The following LRBA variants were observed in gnomAD, a reference collection of about 807,000 sequenced individuals.
LRBA encodes LPS responsive beige-like anchor protein, also known as lipopolysaccharide-responsive and beige-like anchor protein.
Under a neutral mutation model 330.0 loss-of-function variants are expected in LRBA, and 176 were observed. The ratio of observed to expected loss-of-function variants is 0.53; its 90% CI spans 0.47 to 0.60. The LOEUF (loss-of-function observed/expected upper bound fraction) is 0.60. Among genes scored for constraint, LRBA ranks in the 20% least tolerant of loss-of-function variants. LRBA has a pLI of 0.00. For missense variants in LRBA, 3,259 were observed against 3,444.8 expected (o/e 0.95, Z 1.35); for synonymous variants, 1,230 against 1,193.0 (o/e 1.03, Z -0.64).
intron 35 of LRBA, among the ~76,000 whole-genome samples, chr4:150,757,224 A>G (rs916424766): frequency 6.6e-6 from 1 of 152,206 alleles, no homozygotes; most frequent in African/African-American, 2.4e-5. Context: ...ATTTAAAAAT[A>G]TCTTATTAAA....
At chr4:150,638,092 A>C (rs929550677) in intron 37 of LRBA, among the ~76,000 whole-genome samples, 1 of 148,230 alleles carries the variant, frequency 6.7e-6, no homozygotes, top group South Asian at 2.1e-4. Context: ...CAATTTCTTT[A>C]ATTATTTTTT....
chr4:150,755,190 A>G (rs920854041), intron 35 of LRBA, among the ~76,000 whole-genome samples: 1 of 152,244 alleles, frequency 6.6e-6, no homozygotes, highest in Non-Finnish European at 1.5e-5. Flanking sequence ...ATGCTCAGAA[A>G]GAAGACATGC....
intron 51 of LRBA, among the ~76,000 whole-genome samples, chr4:150,311,579 GCA>G (rs1255552675): frequency 2.0e-5 from 3 of 152,186 alleles, no homozygotes; most frequent in Admixed American, 2.0e-4. Flanking sequence ...TGCCCTCATG[GCA>G]CACACAACAC....
chr4:150,582,760 G>C, intron 40 of LRBA: 2 of 407,302 alleles, frequency 4.9e-6, no homozygotes, highest in Non-Finnish European at 8.7e-6. Flanking sequence ...AAGCAAAAAG[G>C]TTCCAAGAGG....
rs1441404116 is a variant in LRBA at position 150,639,815 on chromosome 4, GTGTGTATATATATATATATATATA to G, written c.5922-40708_5922-40685del. Among the ~76,000 whole-genome samples, 9 of 4,892 alleles carry G rather than the reference GTGTGTATATATATATATATATATA, an allele frequency of 1.8e-3. 1 individual carries two copies. Among genetic ancestry groups the G allele is most frequent in the African/African-American group, 3.3e-3 (8 of 2,398 alleles). 3.2% of individuals were successfully genotyped at this position (4,892 alleles called of 152,430 possible). A position where few individuals can be genotyped will look rare whatever the true frequency, so the allele number is the denominator to read the frequency against. On this transcript the variant is annotated intron_variant, in intron 37 of 56. Coordinates refer to ENST00000651943, the MANE Select transcript of LRBA (RefSeq NM_001364905.1). ...TGTATATATATATATATGTGTGTGT[GTGTGTATATATATATATATATATA>G]TATATATATATATATATATATATAT... is the stretch of plus-strand genomic sequence containing the variant.
At chr4:150,624,955 A>T (rs1776702771) in intron 37 of LRBA, among the ~76,000 whole-genome samples, 1 of 152,212 alleles carries the variant, frequency 6.6e-6, no homozygotes, top group South Asian at 2.1e-4. Context: ...AGAAACACTC[A>T]TTTTATATTG....
chr4:150,498,234 A>G (rs1759816210), intron 40 of LRBA, among the ~76,000 whole-genome samples: 1 of 152,148 alleles, frequency 6.6e-6, no homozygotes, highest in South Asian at 2.1e-4. Context: ...GAGTTGATGC[A>G]CCTTTAAGCC....
chr4:150,896,046 T>A (rs1184505268), intron 16 of LRBA, among the ~76,000 whole-genome samples: 1 of 152,242 alleles, frequency 6.6e-6, no homozygotes, highest in Non-Finnish European at 1.5e-5. Flanking sequence ...GATTGTGTTA[T>A]GAATTTTTAA....
intron 5 of LRBA, among the ~76,000 whole-genome samples, chr4:150,919,075 A>G (rs1236860350): frequency 6.6e-6 from 1 of 152,218 alleles, no homozygotes; most frequent in Non-Finnish European, 1.5e-5. Context: ...CAGCCATAAA[A>G]AGGAATGAAG....
chr4:150,943,383 G>A (rs1409510144), intron 2 of LRBA, among the ~76,000 whole-genome samples: 1 of 152,070 alleles, frequency 6.6e-6, no homozygotes, highest in Non-Finnish European at 1.5e-5. Context: ...AGCCTCCCAG[G>A]TTTCTGTTTG....
At chr4:150,569,420 C>G (rs1014064648) in intron 40 of LRBA, among the ~76,000 whole-genome samples, 5 of 152,068 alleles carry the variant, frequency 3.3e-5, no homozygotes, top group Admixed American at 2.6e-4. Flanking sequence ...CAAACAAAAG[C>G]TGTGTTAATA....
chr4:150,934,669 C>T (rs1734885945), intron 2 of LRBA, among the ~76,000 whole-genome samples: 2 of 151,978 alleles, frequency 1.3e-5, no homozygotes, highest in South Asian at 4.2e-4. Context: ...GTCAGTAGTT[C>T]CGAGACCAGT....
At chr4:150,976,800 G>A (rs769375854) in intron 2 of LRBA, among the ~76,000 whole-genome samples, 10 of 152,140 alleles carry the variant, frequency 6.6e-5, no homozygotes, top group African/African-American at 9.7e-5. Flanking sequence ...GCACCTACGC[G>A]CCTGGGAGTG....
At chr4:150,497,586 T>C (rs1244005368) in intron 40 of LRBA, among the ~76,000 whole-genome samples, 3 of 152,196 alleles carry the variant, frequency 2.0e-5, no homozygotes, top group Admixed American at 6.5e-5. Flanking sequence ...TGATGTAGTA[T>C]AGTATTCATA....
At chr4:150,450,754 G>T (rs1011583624) in intron 44 of LRBA, among the ~76,000 whole-genome samples, 1 of 152,136 alleles carries the variant, frequency 6.6e-6, no homozygotes, top group Non-Finnish European at 1.5e-5. Context: ...CAGAACTTTG[G>T]TGAGGTGGGG....
chr4:150,534,538 C>T lies in LRBA; in HGVS notation c.6331-43503G>A, dbSNP rs556953260. ...CCTGTCATAGTTACATTATGTTCTC[C>T]ACAAATAATCCTTCTTTTCTGTAAA... On this transcript the variant is annotated intron_variant, in intron 40 of 56. Transcript: ENST00000651943. Among the ~76,000 whole-genome samples, 35 of 151,856 alleles carry T rather than the reference C, an allele frequency of 2.3e-4. No individual in the cohort carries two copies. In the South Asian group the frequency reaches 3.9e-3, roughly 17 times the overall value.
rs749666487 is a variant in LRBA, at chr4:150,471,653, T to G, written c.6638A>C (p.Glu2213Ala). The G allele has an allele frequency of 6.2e-7, 1 of 1,605,874 alleles. No individual in the cohort carries two copies. Among genetic ancestry groups the G allele is most frequent in the South Asian group, 1.1e-5 (1 of 89,338 alleles). The change falls in exon 43 of 57, where the codon GAG becomes GCG. Residue 2213 changes from glutamate to alanine, a missense_variant. Glu to Ala is a moderately radical substitution (Grantham distance 107, BLOSUM62 -1). Transcript: ENST00000651943. ...TATCGTGTTGAGAAACATCAAGTAC[T>G]CAAAATTAGATATCTCTCTGTGTTG... ...RWQHREISNFEYLMFLNTIAG... is the reference protein window; with the variant it reads ...RWQHREISNFAYLMFLNTIAG...
At chr4:150,999,933 T>C (rs1743145064) in intron 2 of LRBA, among the ~76,000 whole-genome samples, 1 of 152,196 alleles carries the variant, frequency 6.6e-6, no homozygotes, top group African/African-American at 2.4e-5. Context: ...AGACCCCTAG[T>C]GGATACCTAA....
At chr4:150,916,068 CCTAT>C (rs1301241953) in intron 7 of LRBA, among the ~76,000 whole-genome samples, 2 of 152,090 alleles carry the variant, frequency 1.3e-5, no homozygotes, top group African/African-American at 4.8e-5. Context: ...TATCTGACTA[CCTAT>C]CTACTTATAC....
Sources: allele counts gnomAD v4.1 joint callset (sites outside exome capture counted in the v4.1 genomes callset), GRCh38; gene constraint gnomAD v4.1.1; transcripts MANE v1.5; gene names NCBI Gene and HGNC (gene_info 2026-07-23, HGNC 2026-07-21).